MYO18B: variants seen among roughly 807,000 people sequenced by gnomAD.
MYO18B encodes unconventional myosin-XVIIIb.
In MYO18B, 204 loss-of-function variants were observed where a neutral mutation model predicts 273.0. The ratio of observed to expected loss-of-function variants is 0.75; its 90% confidence interval spans 0.67 to 0.84. The LOEUF (loss-of-function observed/expected upper bound fraction) is 0.84, where lower values mean the gene tolerates loss of function less well. MYO18B is among the 40% of genes least tolerant of loss of function. MYO18B has a pLI of 0.00. For synonymous variants in MYO18B, 1,330 were observed against 1,305.7 expected (o/e 1.02, Z -0.40); for missense variants, 3,212 against 3,287.6 (o/e 0.98, Z 0.56).
chr22:25,770,215 T>G, intron 5 of MYO18B, 39 bp downstream of exon 5: 1 of 1,596,828 alleles, frequency 6.3e-7, no homozygotes, highest in Non-Finnish European at 8.6e-7. Context: ...GGTCTGAGTC[T>G]TCTCCTGTGC....
At chr22:26,004,077 A>G (rs1347564035) in intron 41 of MYO18B, among the ~76,000 whole-genome samples, 1 of 151,400 alleles carries the variant, frequency 6.6e-6, no homozygotes, top group Non-Finnish European at 1.5e-5. Context: ...GTCCTATTAA[A>G]AAACTATATA....
intron 21 of MYO18B, among the ~76,000 whole-genome samples, chr22:25,854,977 A>G (rs2090525056): frequency 6.6e-6 from 1 of 152,128 alleles, no homozygotes; most frequent in Non-Finnish European, 1.5e-5. Context: ...GGGGGTACAC[A>G]TGCAGGTTTG....
chr22:25,960,803 A>C (rs1057076520), intron 39 of MYO18B, among the ~76,000 whole-genome samples: 7 of 152,168 alleles, frequency 4.6e-5, no homozygotes, highest in Admixed American at 1.3e-4. Flanking sequence ...TCCGCCCTGC[A>C]GGAGATCCTT....
At chr22:26,058,589 CAA>C in the MYO18B span, among the ~76,000 whole-genome samples, 1 of 152,142 alleles carries the variant, frequency 6.6e-6, no homozygotes, top group South Asian at 2.1e-4. Context: ...GTGTTAGGGT[CAA>C]AGAGACAGAT....
Position 25,847,619 on chromosome 22 carries a change from C to T in MYO18B, c.3742C>T (p.His1248Tyr), listed in dbSNP as rs1446427708. 3.2e-6 allele frequency: 5 copies of T among 1,562,340 alleles called. No individual in the cohort carries two copies. The highest frequency in any genetic ancestry group is 1.2e-5 in the South Asian group (1 of 84,576). The change falls in exon 20 of 44, where the codon CAC becomes TAC. Residue 1248 changes from histidine to tyrosine, a missense_variant. Transcript: ENST00000335473. The part of the protein sequence containing the change: ...PALRVQLAGF[H>Y]ILEALRLHRT... The stretch of plus-strand genomic sequence containing the variant: ...ACTGAGGGTCCAGCTTGCTGGGTTC[C>T]ACATCCTGGAGGCTCTGCGTCTGCA...
At chr22:25,973,479 A>T (rs1380659024) in intron 39 of MYO18B, among the ~76,000 whole-genome samples, 1 of 152,212 alleles carries the variant, frequency 6.6e-6, no homozygotes, top group Non-Finnish European at 1.5e-5. Flanking sequence ...AGAACAAGTG[A>T]AGTGCCATAA....
chr22:25,952,342 C>T lies in MYO18B; in HGVS notation c.5889C>T (p.Ala1963=), dbSNP rs763641089. The change falls in exon 38 of 44, where the codon GCC becomes GCT. Residue 1963 remains alanine, a synonymous_variant. Transcript: ENST00000335473. ...EYLEQSTVDR[A]IVSRQEAVIC... ...TGGAACAGTCCACCGTGGATCGAGCCATCGTCAGCAGGCAGGAGGCGGTCA... is the reference window on the plus strand; with the variant it reads ...TGGAACAGTCCACCGTGGATCGAGCTATCGTCAGCAGGCAGGAGGCGGTCA... The T allele has an allele frequency of 4.3e-6, 7 of 1,612,342 alleles. No homozygotes were observed. In the Admixed American group the frequency reaches 5.0e-5, roughly 12 times the overall value.
At chr22:25,916,636 T>A (rs760540064) in intron 33 of MYO18B, among the ~76,000 whole-genome samples, 2 of 152,228 alleles carry the variant, frequency 1.3e-5, no homozygotes, top group African/African-American at 4.8e-5. Flanking sequence ...AATTTTTAAT[T>A]TAATGGCATT....
At chr22:25,835,755 G>A (rs2089877340) in intron 17 of MYO18B, among the ~76,000 whole-genome samples, 1 of 152,234 alleles carries the variant, frequency 6.6e-6, no homozygotes, top group Non-Finnish European at 1.5e-5. Context: ...CTCTAATGGG[G>A]CGCATCAGGG....
At chr22:26,019,436 T>G (rs1439909255) in intron 42 of MYO18B, among the ~76,000 whole-genome samples, 2 of 152,240 alleles carry the variant, frequency 1.3e-5, no homozygotes, top group African/African-American at 4.8e-5. Context: ...AGGACTGTTG[T>G]GAGCGTAAAC....
chr22:26,040,807 G>C, the MYO18B span, among the ~76,000 whole-genome samples: 1 of 152,136 alleles, frequency 6.6e-6, no homozygotes, highest in Non-Finnish European at 1.5e-5. Context: ...GTGATCGAGT[G>C]GGTGAGGAAT....
At chr22:26,036,571 A>G in the MYO18B span, among the ~76,000 whole-genome samples, 1 of 152,114 alleles carries the variant, frequency 6.6e-6, no homozygotes, top group African/African-American at 2.4e-5. Flanking sequence ...CTCATAGTTC[A>G]GGCCTACAGC....
intron 39 of MYO18B, 71 bp from the exon 40 acceptor site, chr22:25,992,287 GTCTCT>G: frequency 6.4e-7 from 1 of 1,571,266 alleles, no homozygotes; most frequent in Non-Finnish European, 8.7e-7. Flanking sequence ...CCTGGGGCGT[GTCTCT>G]TCCCCAGTGC....
intron 28 of MYO18B, chr22:25,897,643 G>A (rs1387306585): frequency 6.6e-6 from 1 of 152,188 alleles, no homozygotes; most frequent in African/African-American, 2.4e-5. Context: ...AGAATTACAG[G>A]CTTCATTAAC....
chr22:25,941,015 G>A (rs2092637594), intron 34 of MYO18B, among the ~76,000 whole-genome samples: 1 of 152,204 alleles, frequency 6.6e-6, no homozygotes, highest in Non-Finnish European at 1.5e-5. Context: ...GAATGACTTA[G>A]TACGCACGGA....
At chr22:25,793,625 T>C (rs2087774673) in intron 11 of MYO18B, among the ~76,000 whole-genome samples, 1 of 152,036 alleles carries the variant, frequency 6.6e-6, no homozygotes, top group Non-Finnish European at 1.5e-5. Flanking sequence ...GAGTGCAGAG[T>C]CTAGAGGGCG....
At chr22:25,873,150 T>C (rs1176741134) in intron 22 of MYO18B, among the ~76,000 whole-genome samples, 1 of 152,202 alleles carries the variant, frequency 6.6e-6, no homozygotes, top group East Asian at 1.9e-4. Flanking sequence ...CTTAATCTTT[T>C]GCTGACAGTC....
chr22:25,982,265 A>C (rs957555530), intron 39 of MYO18B, among the ~76,000 whole-genome samples: 1 of 152,112 alleles, frequency 6.6e-6, no homozygotes, highest in Non-Finnish European at 1.5e-5. Context: ...CAGAGAACTG[A>C]GCCTTCCTGC....
chr22:25,895,030 C>A, intron 27 of MYO18B, 126 bp from the exon 28 acceptor site: 1 of 1,178,298 alleles, frequency 8.5e-7, no homozygotes, highest in Non-Finnish European at 1.2e-6. Context: ...AAGGTTGAGG[C>A]TCAAGGGCTC....
Sources: gnomAD v4.1 joint callset for allele counts (sites outside exome capture counted in the v4.1 genomes callset) on GRCh38, gnomAD v4.1.1 for gene constraint, MANE v1.5 for transcripts, NCBI Gene and HGNC (gene_info 2026-07-23, HGNC 2026-07-21) for gene names.